Variants in NYAP2 observed in about 807,000 individuals in gnomAD.
NYAP2 encodes the protein neuronal tyrosine-phosphorylated phosphoinositide-3-kinase adaptor 2.
In NYAP2, 23 loss-of-function variants were observed where a neutral mutation model predicts 50.4. The ratio of observed to expected loss-of-function variants is 0.46; its 90% CI spans 0.33 to 0.65. The LOEUF (loss-of-function observed/expected upper bound fraction) is 0.65. Ranked by LOEUF, NYAP2 falls within the 30% of genes least tolerant of loss-of-function variation. The pLI is 0.02. For missense variants in NYAP2, 885 were observed against 861.0 expected (o/e 1.03, Z -0.35); for synonymous variants, 394 against 365.2 (o/e 1.08, Z -0.90).
chr2:225,568,958 T>C (rs1311432854), intron 4 of NYAP2, among the ~76,000 whole-genome samples: 1 of 152,210 alleles, frequency 6.6e-6, no homozygotes, highest in Non-Finnish European at 1.5e-5. Context: ...ACAAACTTTA[T>C]TTTAATGTGC....
At chr2:225,584,868 A>G (rs1692362439) in intron 5 of NYAP2, among the ~76,000 whole-genome samples, 1 of 152,258 alleles carries the variant, frequency 6.6e-6, no homozygotes, top group Non-Finnish European at 1.5e-5. Context: ...TTGAATTTAA[A>G]ACTAGGAACA....
downstream of NYAP2, among the ~76,000 whole-genome samples, chr2:225,657,359 C>T (rs548046241): frequency 2.9e-3 from 440 of 151,870 alleles, 3 homozygotes; most frequent in African/African-American, 9.8e-3. Context: ...ATCCACCTGC[C>T]TCAGCCTCCC....
the NYAP2 span, among the ~76,000 whole-genome samples, chr2:225,690,618 C>A: frequency 1.1e-4 from 16 of 152,080 alleles, no homozygotes; most frequent in African/African-American, 3.1e-4. Flanking sequence ...AATCTCTTAT[C>A]TATACAATTT....
chr2:225,603,095 AT>A (rs1201180248), intron 5 of NYAP2, among the ~76,000 whole-genome samples: 2 of 152,104 alleles, frequency 1.3e-5, no homozygotes, highest in African/African-American at 2.4e-5. Context: ...ATTTACTGAA[AT>A]TTTTTTAGCA....
intron 3 of NYAP2, among the ~76,000 whole-genome samples, chr2:225,460,290 A>G (rs1689808215): frequency 6.6e-6 from 1 of 152,224 alleles, no homozygotes. Context: ...TTTAGGTGAC[A>G]GTTTCTACTA....
intron 3 of NYAP2, among the ~76,000 whole-genome samples, chr2:225,420,823 ACT>A (rs1695204587): frequency 2.6e-5 from 4 of 152,062 alleles, no homozygotes; most frequent in African/African-American, 9.6e-5. Context: ...AGTCATCGTA[ACT>A]CTGACATATC....
At chr2:225,408,426 A>G (rs1167137237) in intron 2 of NYAP2, among the ~76,000 whole-genome samples, 1 of 152,106 alleles carries the variant, frequency 6.6e-6, no homozygotes, top group Non-Finnish European at 1.5e-5. Context: ...TATATGTACA[A>G]AAGTTCTTTC....
Position 225,582,557 on chromosome 2 carries a change from C to T in NYAP2, c.1140C>T (p.Pro380=), listed in dbSNP as rs374591560. 180 of 1,585,636 alleles carry T rather than the reference C, an allele frequency of 1.1e-4. No individual in the cohort carries two copies. Among genetic ancestry groups the T allele is most frequent in the Non-Finnish European group, 1.5e-4 (178 of 1,166,540 alleles). ...TGAAACAGCCAGCCGGGGCGTCGCCCTCCACGCTGCCGTCCCACGTCCCCG... is the reference window on the plus strand; with the variant it reads ...TGAAACAGCCAGCCGGGGCGTCGCCTTCCACGCTGCCGTCCCACGTCCCCG... The change falls in exon 5 of 7, where the codon CCC becomes CCT. Residue 380 remains proline (P), a synonymous_variant. Transcript: ENST00000636099. The surrounding 1 kb of genome is among the most constrained non-coding windows in gnomAD (Gnocchi z 7.0).
intron 4 of NYAP2, among the ~76,000 whole-genome samples, chr2:225,576,388 C>CA (rs1424690622): frequency 6.6e-6 from 1 of 152,184 alleles, no homozygotes; most frequent in Admixed American, 6.5e-5. Context: ...AGGCCATTTG[C>CA]AACTTCCATT....
chr2:225,644,260 T>C lies in NYAP2; in HGVS notation c.1829-7172T>C, dbSNP rs1287691050. 6.6e-5 allele frequency among the ~76,000 whole-genome samples: 10 copies of C among 152,348 alleles called. No homozygotes were observed. The East Asian group carries it at 1.9e-3, about 29-fold the overall frequency. On this transcript the variant is annotated intron_variant, in intron 6 of 6. Transcript: ENST00000636099. The stretch of plus-strand genomic sequence containing the variant: ...CCTTCTTTTGAGAAGTGTCTGTTCA[T>C]GTCCTTCACCCACTTTTTGATGGGG...
chr2:225,597,561 T>C (rs1692627504), intron 5 of NYAP2, among the ~76,000 whole-genome samples: 1 of 75,398 alleles, frequency 1.3e-5, no homozygotes, highest in Non-Finnish European at 3.0e-5. Flanking sequence ...ACTTGTTGAT[T>C]GATAGACATT....
At chr2:225,668,321 G>C in the NYAP2 span, among the ~76,000 whole-genome samples, 1 of 152,124 alleles carries the variant, frequency 6.6e-6, no homozygotes, top group South Asian at 2.1e-4. Context: ...TCACACAGCA[G>C]ATGACATCAG....
intron 5 of NYAP2, among the ~76,000 whole-genome samples, chr2:225,611,436 T>C (rs1414710251): frequency 6.6e-6 from 1 of 152,058 alleles, no homozygotes; most frequent in Non-Finnish European, 1.5e-5. Context: ...GTGCCTTTTA[T>C]CCCTTTCTCT....
At chr2:225,573,738 A>G (rs1440192460) in intron 4 of NYAP2, among the ~76,000 whole-genome samples, 1 of 152,146 alleles carries the variant, frequency 6.6e-6, no homozygotes, top group Non-Finnish European at 1.5e-5. Flanking sequence ...GGCCTCTTCT[A>G]TGACTAGGTT....
At chr2:225,567,609 G>A (rs1218916157) in intron 4 of NYAP2, among the ~76,000 whole-genome samples, 1 of 152,006 alleles carries the variant, frequency 6.6e-6, no homozygotes, top group Non-Finnish European at 1.5e-5. Context: ...CCAAAGTGAG[G>A]GGCAGAGGGT....
intron 6 of NYAP2, among the ~76,000 whole-genome samples, chr2:225,629,325 T>C (rs1424463184): frequency 6.6e-6 from 1 of 152,208 alleles, no homozygotes; most frequent in Non-Finnish European, 1.5e-5. Flanking sequence ...CCCACCCACC[T>C]AGGTGAGGGT....
At chr2:225,498,457 C>G (rs544185966) in intron 3 of NYAP2, among the ~76,000 whole-genome samples, 4 of 151,878 alleles carry the variant, frequency 2.6e-5, no homozygotes, top group Non-Finnish European at 4.4e-5. Flanking sequence ...AGAAAGAAGG[C>G]TGGGCCACAT....
intron 3 of NYAP2, among the ~76,000 whole-genome samples, chr2:225,473,619 G>T (rs1425505800): frequency 4.6e-5 from 7 of 152,182 alleles, no homozygotes; most frequent in Non-Finnish European, 7.3e-5. Context: ...TTTGAGAAGT[G>T]TCTGTTCATA....
At chr2:225,516,381 T>G (rs550149397) in intron 4 of NYAP2, among the ~76,000 whole-genome samples, 13 of 152,146 alleles carry the variant, frequency 8.5e-5, no homozygotes, top group Non-Finnish European at 1.9e-4. Context: ...AAATACTTGA[T>G]AGGTAGTGAG....
Sources: gnomAD v4.1 joint callset for allele counts (sites outside exome capture counted in the v4.1 genomes callset) on GRCh38, gnomAD v4.1.1 for gene constraint, Gnocchi (gnomAD v3.1) non-coding constraint, MANE v1.5 for transcripts, NCBI Gene and HGNC (gene_info 2026-07-23, HGNC 2026-07-21) for gene names.